The following HIPK4 variants were observed in gnomAD, a reference collection of about 807,000 sequenced individuals.
HIPK4 encodes homeodomain-interacting protein kinase 4.
Under a neutral mutation model 44.8 loss-of-function variants are expected in HIPK4, and 26 were observed. The ratio of observed to expected loss-of-function variants is 0.58; its 90% CI spans 0.43 to 0.80. The LOEUF (loss-of-function observed/expected upper bound fraction) is 0.80, where lower values mean the gene tolerates loss of function less well. Ranked by LOEUF, HIPK4 falls within the 30% of genes least tolerant of loss-of-function variation. The probability of loss-of-function intolerance (pLI) is 0.00; values close to 1 mark genes in which losing one functional copy is unlikely to be tolerated. For synonymous variants in HIPK4, 340 were observed against 355.5 expected (o/e 0.96, Z 0.49); for missense variants, 729 against 862.6 (o/e 0.85, Z 1.94).
In HIPK4 at chr19:40,390,064, C is replaced by T. The variant is rs2079381942; in HGVS notation, c.-162G>A. 1.6e-6 allele frequency: 1 copy of T among 609,214 alleles called. No individual in the cohort carries two copies. The highest frequency in any genetic ancestry group is 2.9e-6 in the Non-Finnish European group (1 of 344,874). 37.7% of individuals were successfully genotyped at this position (609,214 alleles called of 1,614,324 possible). On this transcript the variant is annotated 5_prime_UTR_variant, in exon 1 of 4. Transcript: ENST00000291823. Reference sequence around the variant, plus strand: ...AGGTTGGCCCCTGCTTCCCTGGCACCCCCAAACCCCCAGGCCACACTGTCA... The same window carrying T: ...AGGTTGGCCCCTGCTTCCCTGGCACTCCCAAACCCCCAGGCCACACTGTCA...
In HIPK4 at chr19:40,380,676, G is replaced by A; in HGVS notation, c.1315C>T (p.His439Tyr). 6.2e-7 allele frequency: 1 copy of A among 1,614,064 alleles called. No individual in the cohort carries two copies. Among genetic ancestry groups the A allele is most frequent in the Non-Finnish European group, 8.5e-7 (1 of 1,179,954 alleles). Residue 439 changes from histidine (H) to tyrosine (Y), a missense_variant, in exon 3 of 4, where the codon CAT becomes TAT. This residue lies in a region of HIPK4 where 533 missense variants were observed against 567.5 expected (regional missense o/e 0.94). Coordinates refer to ENST00000291823, the MANE Select transcript of HIPK4 (RefSeq NM_144685.5). This position sits in a 1 kb window ranked among gnomAD's most constrained non-coding sequence, Gnocchi z 4.2. ...GTGCAGGTCTCACCCCACAGCCCAT[G>A]CCCAGCCTCCTGCAGACTCAGGTCA... ...LDDLSLQEAGHGLWGETCTNA... is the reference protein window; with the variant it reads ...LDDLSLQEAGYGLWGETCTNA...
In HIPK4 at chr19:40,389,342, A is replaced by G; in HGVS notation, c.465+96T>C. The G allele has an allele frequency of 1.8e-6, 1 of 551,890 alleles. No individual in the cohort carries two copies. The highest frequency in any genetic ancestry group is 2.8e-6 in the Non-Finnish European group (1 of 362,110). 34.2% of individuals were successfully genotyped at this position (551,890 alleles called of 1,614,324 possible). A position where few individuals can be genotyped will look rare whatever the true frequency, so the allele number is the denominator to read the frequency against. On this transcript the variant is annotated intron_variant, in intron 1 of 3. Transcript: ENST00000291823. This position sits in a 1 kb window ranked among gnomAD's most constrained non-coding sequence, Gnocchi z 4.6. ...CCGTCTCAAAAATAATAATAATAAT[A>G]ATTTTAAAAAATTAAAAAAAAAATC... is the stretch of plus-strand genomic sequence containing the variant.
chr19:40,387,529 G>A (rs990974125), intron 1 of HIPK4, among the ~76,000 whole-genome samples: 2 of 152,070 alleles, frequency 1.3e-5, no homozygotes, highest in African/African-American at 4.8e-5. Context: ...AAGCTGGAGT[G>A]CAGCGGCATG....
In HIPK4 at chr19:40,389,039, G is replaced by A. The variant is rs1189268333; in HGVS notation, c.465+399C>T. 4.6e-5 allele frequency among the ~76,000 whole-genome samples: 7 copies of A among 152,010 alleles called. No individual in the cohort carries two copies. Among genetic ancestry groups the A allele is most frequent in the Non-Finnish European group, 7.4e-5 (5 of 68,012 alleles). On this transcript the variant is annotated intron_variant, in intron 1 of 3. Transcript: ENST00000291823. The surrounding 1 kb of genome is among the most constrained non-coding windows in gnomAD (Gnocchi z 4.6). ...TCTACTAAAAATACAAAAATTAGCC[G>A]GGCATGGGTGGCGGGCACCTGTATT...
intron 1 of HIPK4, among the ~76,000 whole-genome samples, chr19:40,386,035 C>A (rs1309383673): frequency 2.0e-5 from 3 of 151,360 alleles, no homozygotes; most frequent in Non-Finnish European, 2.9e-5. Flanking sequence ...ATTTCACACA[C>A]TATATCTCTT....
intron 1 of HIPK4, among the ~76,000 whole-genome samples, chr19:40,386,870 T>C (rs1420619818): frequency 2.0e-5 from 3 of 151,960 alleles, no homozygotes; most frequent in African/African-American, 7.3e-5. Context: ...CTGTCTCTCA[T>C]TTGAGACAGT....
intron 1 of HIPK4, 66 bp from the exon 2 acceptor site, chr19:40,384,205 C>G: frequency 7.7e-7 from 1 of 1,299,800 alleles, no homozygotes. Context: ...GCTGGGCCAC[C>G]CCGGCATCTT....
chr19:40,384,177 A>T, intron 1 of HIPK4, 38 bp from the exon 2 acceptor site: 1 of 1,514,298 alleles, frequency 6.6e-7, no homozygotes, highest in African/African-American at 1.4e-5. Flanking sequence ...GGGCAGGTCA[A>T]GCAGCAGGGA....
At chr19:40,383,210 G>A (rs1157760210) in intron 2 of HIPK4, among the ~76,000 whole-genome samples, 1 of 150,134 alleles carries the variant, frequency 6.7e-6, no homozygotes, top group African/African-American at 2.4e-5. Context: ...AGCCCGCCGA[G>A]TAGCTGGAAT....
In HIPK4 at chr19:40,379,554, A is replaced by T. The variant is rs980855050; in HGVS notation, c.*33T>A. ...GAGGGAATGCCAGCCCAGCTAGCGC[A>T]GCCCCCAGTGATGGGCAGGGGTGGA... On this transcript the variant is annotated 3_prime_UTR_variant, in exon 4 of 4. Coordinates refer to ENST00000291823, the MANE Select transcript of HIPK4 (RefSeq NM_144685.5). 1 of 1,474,338 alleles carries T rather than the reference A, an allele frequency of 6.8e-7. No individual in the cohort carries two copies. Among genetic ancestry groups the T allele is most frequent in the African/African-American group, 1.4e-5 (1 of 69,748 alleles). The allele number at this position is 1,474,338 out of a possible 1,614,324, so 91.3% of individuals were successfully genotyped here.
intron 2 of HIPK4, among the ~76,000 whole-genome samples, chr19:40,382,265 G>A (rs2079340782): frequency 6.6e-6 from 1 of 152,082 alleles, no homozygotes; most frequent in South Asian, 2.1e-4. Context: ...CACCATGCCT[G>A]GCTAAATTTT....
intron 2 of HIPK4, among the ~76,000 whole-genome samples, chr19:40,382,858 C>T (rs1199079701): frequency 2.0e-5 from 3 of 151,184 alleles, no homozygotes; most frequent in Non-Finnish European, 2.9e-5. Flanking sequence ...CCAGCCTGGC[C>T]AACATGGTAA....
At chr19:40,383,333 C>T (rs1264618338) in intron 2 of HIPK4, among the ~76,000 whole-genome samples, 3 of 152,090 alleles carry the variant, frequency 2.0e-5, no homozygotes, top group South Asian at 4.1e-4. Context: ...CCACCCACCT[C>T]GGACTCCCAA....
chr19:40,382,852 C>T (rs58775801), intron 2 of HIPK4, among the ~76,000 whole-genome samples: 59,677 of 150,830 alleles, frequency 0.4, 12,765 homozygotes, highest in East Asian at 0.66. Flanking sequence ...CTGAGACCAG[C>T]CTGGCCAACA....
chr19:40,384,366 C>T (rs777092672), intron 1 of HIPK4, among the ~76,000 whole-genome samples: 3 of 152,114 alleles, frequency 2.0e-5, no homozygotes, highest in Non-Finnish European at 2.9e-5. Context: ...TGCAATGGCA[C>T]GATCTCAGCA....
Position 40,380,590 on chromosome 19 carries a change from G to A in HIPK4, c.1401C>T (p.Pro467=), listed in dbSNP as rs149252816. Residue 467 remains proline (P), a synonymous_variant, in exon 3 of 4, where the codon CCC becomes CCT. Coordinates refer to ENST00000291823, the MANE Select transcript of HIPK4 (RefSeq NM_144685.5). This position sits in a 1 kb window ranked among gnomAD's most constrained non-coding sequence, Gnocchi z 4.2. The stretch of plus-strand genomic sequence containing the variant: ...CCAGGATGGGCTCAGGGCCCGAGTC[G>A]GGCACATGGTGGCCAGTGATGGCTG... ...LKAAITGHHV[P]DSGPEPILAF... 1.4e-4 allele frequency: 223 copies of A among 1,612,998 alleles called. 1 individual carries two copies. In the African/African-American group the frequency reaches 2.2e-3, roughly 16 times the overall value.
chr19:40,384,284 TTTG>T (rs1279342962), intron 1 of HIPK4, 145 bp from the exon 2 acceptor site: 5 of 657,666 alleles, frequency 7.6e-6, no homozygotes, highest in Non-Finnish European at 1.0e-5. Flanking sequence ...CTTTAGTTGC[TTTG>T]TTGGTTTTTG....
At chr19:40,381,289 A>T in intron 2 of HIPK4, 121 bp from the exon 3 acceptor site, 2 of 827,786 alleles carry the variant, frequency 2.4e-6, no homozygotes, top group East Asian at 5.2e-5. Context: ...TCTGCCTTGG[A>T]GCTCTCTGGC....
chr19:40,390,105 C>T lies in HIPK4; in HGVS notation c.-203G>A, dbSNP rs1409074363. On this transcript the variant is annotated 5_prime_UTR_variant, in exon 1 of 4. Coordinates refer to ENST00000291823, the MANE Select transcript of HIPK4 (RefSeq NM_144685.5). ...CACACTGTCAGTCTGCCAGGGGCTG[C>T]ACCCCTCCCCAGAAACCCTCCTGGC... 2 of 586,856 alleles carry T rather than the reference C, an allele frequency of 3.4e-6. No individual in the cohort carries two copies. The highest frequency in any genetic ancestry group is 1.9e-5 in the African/African-American group (1 of 53,622). 36.4% of individuals were successfully genotyped at this position (586,856 alleles called of 1,614,324 possible).
Sources: gnomAD v4.1 joint callset for allele counts (sites outside exome capture counted in the v4.1 genomes callset) on GRCh38, gnomAD v4.1.1 for gene constraint, gnomAD v4.1.1 regional missense constraint, Gnocchi (gnomAD v3.1) non-coding constraint, MANE v1.5 for transcripts, NCBI Gene and HGNC (gene_info 2026-07-23, HGNC 2026-07-21) for gene names.